TNR: variants seen among roughly 807,000 people sequenced by gnomAD.
TNR encodes tenascin-R.
A neutral mutation model predicts 150.4 loss-of-function variants in TNR; 45 were observed. The ratio of observed to expected loss-of-function variants is 0.30; its 90% confidence interval spans 0.24 to 0.38. TNR has a LOEUF of 0.38. Ranked by LOEUF, TNR falls within the 10% of genes least tolerant of loss-of-function variation. TNR has a pLI of 1.00. For synonymous variants in TNR, 687 were observed against 678.4 expected, an observed-to-expected ratio of 1.01 and a Z score of -0.20; for missense variants, 1,544 against 1,759.1, an observed-to-expected ratio of 0.88 and a Z score of 2.19.
intron 1 of TNR, among the ~76,000 whole-genome samples, chr1:175,726,308 G>C (rs779478410): frequency 6.6e-6 from 1 of 152,220 alleles, no homozygotes; most frequent in Admixed American, 6.5e-5. Flanking sequence ...ACCAGGAAAT[G>C]ATGAGCAGCA....
chr1:175,338,658 G>A (rs1285246886), intron 18 of TNR, among the ~76,000 whole-genome samples: 1 of 152,128 alleles, frequency 6.6e-6, no homozygotes, highest in Admixed American at 6.5e-5. Flanking sequence ...GGGAGGGACC[G>A]CACGTGTCAG....
intron 1 of TNR, among the ~76,000 whole-genome samples, chr1:175,638,073 T>C (rs899414129): frequency 1.3e-5 from 2 of 152,140 alleles, no homozygotes; most frequent in Non-Finnish European, 2.9e-5. Flanking sequence ...GAAGCATACC[T>C]CATACAGCTG....
At chr1:175,367,539 A>G (rs1651901225) in intron 9 of TNR, among the ~76,000 whole-genome samples, 1 of 152,182 alleles carries the variant, frequency 6.6e-6, no homozygotes, top group African/African-American at 2.4e-5. Flanking sequence ...GAAGGCAGTG[A>G]GGCTGCCTTG....
At chr1:175,547,651 G>A (rs1660762678) in intron 1 of TNR, among the ~76,000 whole-genome samples, 1 of 123,824 alleles carries the variant, frequency 8.1e-6, no homozygotes, top group African/African-American at 3.2e-5. Context: ...AAGAAAGAAA[G>A]GAAGAAGAAA....
At chr1:175,396,915 C>T in intron 4 of TNR, 108 bp from the exon 5 acceptor site, 1 of 1,414,810 alleles carries the variant, frequency 7.1e-7, no homozygotes, top group Admixed American at 2.2e-5. Context: ...TCTATATGTC[C>T]TGCTGGGCTC....
At chr1:175,356,922 G>A (rs1651359865) in intron 15 of TNR, among the ~76,000 whole-genome samples, 1 of 152,206 alleles carries the variant, frequency 6.6e-6, no homozygotes, top group African/African-American at 2.4e-5. Context: ...CCAAAACTCA[G>A]AGAACTGAGA....
chr1:175,456,508 G>A (rs919122228), intron 2 of TNR, among the ~76,000 whole-genome samples: 2 of 152,214 alleles, frequency 1.3e-5, no homozygotes, highest in Non-Finnish European at 2.9e-5. Context: ...TTGACACTTA[G>A]ACGGTGCTTA....
chr1:175,587,724 G>A (rs912055770), intron 1 of TNR, among the ~76,000 whole-genome samples: 2 of 152,160 alleles, frequency 1.3e-5, no homozygotes, highest in Admixed American at 1.3e-4. Context: ...TAATAGTTCA[G>A]GGATGGAGCC....
chr1:175,338,697 C>T (rs955259323), intron 18 of TNR, among the ~76,000 whole-genome samples: 6 of 152,226 alleles, frequency 3.9e-5, no homozygotes, highest in Non-Finnish European at 8.8e-5. Flanking sequence ...GTGGCAGAAC[C>T]GGTGCACTAC....
Position 175,599,129 on chromosome 1 carries a change from T to C in TNR, c.-164-70760A>G, listed in dbSNP as rs1305789499. On this transcript the variant is annotated intron_variant, in intron 1 of 22. Transcript: ENST00000367674. This position sits in a 1 kb window ranked among gnomAD's most constrained non-coding sequence, Gnocchi z 4.7. ...TCTATGGGCCCCGGGTTGCGGGGGG[T>C]CACCAATTTGCAGAGCTGAGGGAGA... Among the ~76,000 whole-genome samples the C allele has an allele frequency of 6.7e-6, 1 of 149,536 alleles. No homozygotes were observed. The highest frequency in any genetic ancestry group is 1.5e-5 in the Non-Finnish European group (1 of 67,498).
At chr1:175,374,005 G>A (rs556181109) in intron 9 of TNR, among the ~76,000 whole-genome samples, 3 of 152,284 alleles carry the variant, frequency 2.0e-5, no homozygotes, top group South Asian at 2.1e-4. Context: ...CTGTGACTTC[G>A]CCCAAAGGAG....
chr1:175,327,130 C>T (rs1167578230), intron 21 of TNR, among the ~76,000 whole-genome samples: 2 of 152,152 alleles, frequency 1.3e-5, no homozygotes, highest in East Asian at 1.9e-4. Context: ...TCACTCCCTG[C>T]GTCTCCCTCT....
intron 1 of TNR, among the ~76,000 whole-genome samples, chr1:175,610,673 T>C (rs1375292489): frequency 6.6e-6 from 1 of 152,254 alleles, no homozygotes; most frequent in Non-Finnish European, 1.5e-5. Flanking sequence ...TGCCTGTCCC[T>C]TGAGATGCTT....
At position 175,460,603 on chromosome 1, in the gene TNR, C is replaced by T. The variant is rs183117342; in HGVS notation, c.-63-53826G>A. Among the ~76,000 whole-genome samples, 942 of 152,292 alleles carry T rather than the reference C, an allele frequency of 6.2e-3. 3 individuals carry two copies. Among genetic ancestry groups the T allele is most frequent in the Non-Finnish European group, 0.01 (687 of 68,016 alleles). ...TGTGTTTTGGCTTACAAAGTATCCT[C>T]ATAAATGTGACCTCATTTAATTTTC... On this transcript the variant is annotated intron_variant, in intron 2 of 22. Coordinates refer to ENST00000367674, the MANE Select transcript of TNR (RefSeq NM_003285.3).
chr1:175,584,307 AC>A (rs1219924851), intron 1 of TNR, among the ~76,000 whole-genome samples: 1 of 152,118 alleles, frequency 6.6e-6, no homozygotes, highest in African/African-American at 2.4e-5. Context: ...CAGCCACATG[AC>A]TGGAGTGATA....
intron 1 of TNR, among the ~76,000 whole-genome samples, chr1:175,613,775 C>G (rs569237716): frequency 5.9e-5 from 9 of 152,306 alleles, no homozygotes; most frequent in African/African-American, 2.2e-4. Context: ...GAGCCTGCAT[C>G]AGAATTTGGC....
At chr1:175,696,671 G>A (rs1239152696) in intron 1 of TNR, among the ~76,000 whole-genome samples, 1 of 152,076 alleles carries the variant, frequency 6.6e-6, no homozygotes, top group Non-Finnish European at 1.5e-5. Flanking sequence ...CCTGTGGTCG[G>A]GAGTTTGAGA....
At chr1:175,717,938 T>A (rs1667197074) in intron 1 of TNR, among the ~76,000 whole-genome samples, 1 of 152,132 alleles carries the variant, frequency 6.6e-6, no homozygotes, top group Non-Finnish European at 1.5e-5. Context: ...GCAAGTGCTC[T>A]CAGAACCAGC....
intron 1 of TNR, among the ~76,000 whole-genome samples, chr1:175,689,434 C>T (rs185516890): frequency 5.9e-5 from 9 of 152,326 alleles, no homozygotes; most frequent in African/African-American, 2.2e-4. Context: ...AGATTGGAGG[C>T]CTGCAAGCTT....
Sources: allele counts gnomAD v4.1 joint callset (sites outside exome capture counted in the v4.1 genomes callset), GRCh38; gene constraint gnomAD v4.1.1; non-coding constraint Gnocchi (gnomAD v3.1); transcripts MANE v1.5; gene names NCBI Gene and HGNC (gene_info 2026-07-23, HGNC 2026-07-21).